Variants in AVEN observed in about 807,000 individuals in gnomAD.
AVEN encodes apoptosis and caspase activation inhibitor, also known as cell death regulator Aven.
A neutral mutation model predicts 38.1 loss-of-function variants in AVEN; 41 were observed. The observed-to-expected ratio is 1.08, with a 90% confidence interval of 0.84 to 1.40. The LOEUF is 1.40. Ranked by LOEUF, AVEN falls within the 40% of genes most tolerant of loss-of-function variation. The pLI is 0.00. For synonymous variants in AVEN, 206 were observed against 171.8 expected, an observed-to-expected ratio of 1.20 and a Z score of -1.56; for missense variants, 605 against 438.8, an observed-to-expected ratio of 1.38 and a Z score of -3.38.
At chr15:33,925,247 CA>C (rs1893566522) in intron 2 of AVEN, among the ~76,000 whole-genome samples, 1 of 152,084 alleles carries the variant, frequency 6.6e-6, no homozygotes, top group Non-Finnish European at 1.5e-5. Flanking sequence ...TCATTTTTTG[CA>C]AAGTCCCAGG....
intron 5 of AVEN, among the ~76,000 whole-genome samples, chr15:34,060,399 G>A (rs1350144940): frequency 6.6e-6 from 1 of 152,178 alleles, no homozygotes; most frequent in Non-Finnish European, 1.5e-5. Context: ...AATTTGAGGT[G>A]TTATGAAAAC....
intron 2 of AVEN, among the ~76,000 whole-genome samples, chr15:33,878,121 C>G (rs929834490): frequency 6.6e-6 from 1 of 152,038 alleles, no homozygotes; most frequent in Non-Finnish European, 1.5e-5. Flanking sequence ...TATCAAGATA[C>G]CAATTTCACC....
At chr15:33,961,613 A>C (rs188656905) in intron 2 of AVEN, among the ~76,000 whole-genome samples, 8,747 of 151,616 alleles carry the variant, frequency 0.058, 377 homozygotes, top group South Asian at 0.2. Flanking sequence ...GGAGATCGAG[A>C]CCATTCTGGC....
intron 1 of AVEN, 110 bp downstream of exon 1, chr15:34,038,670 G>GCCA: frequency 1.1e-5 from 11 of 1,028,686 alleles, no homozygotes; most frequent in Non-Finnish European, 1.2e-5. Flanking sequence ...CGGCGCCGCC[G>GCCA]CCCGTCTGGC....
intron 4 of AVEN, 131 bp from the exon 5 acceptor site, chr15:33,867,986 G>T: frequency 2.3e-6 from 3 of 1,293,604 alleles, no homozygotes; most frequent in Non-Finnish European, 3.1e-6. Flanking sequence ...AGTTCACAAA[G>T]TGGCTCCTTT....
At chr15:33,858,059 C>T (rs865860341), downstream of AVEN, 44 of 1,064,702 alleles carry the variant, frequency 4.1e-5, 1 homozygote, top group South Asian at 6.9e-4. Context: ...AAGTAGAAGA[C>T]AGATGTCTTC....
At chr15:33,869,256 A>G (rs1393010928) in intron 4 of AVEN, among the ~76,000 whole-genome samples, 1 of 152,156 alleles carries the variant, frequency 6.6e-6, no homozygotes, top group East Asian at 1.9e-4. Context: ...TAATGTGCAA[A>G]CAAGGTAGAG....
At chr15:33,890,522 T>A (rs1373382954) in intron 2 of AVEN, among the ~76,000 whole-genome samples, 3 of 152,140 alleles carry the variant, frequency 2.0e-5, no homozygotes, top group Non-Finnish European at 4.4e-5. Flanking sequence ...AGGGGGGAAA[T>A]CATGTTACTT....
chr15:33,975,127 C>T (rs1018842660), intron 2 of AVEN, among the ~76,000 whole-genome samples: 1 of 152,170 alleles, frequency 6.6e-6, no homozygotes, highest in African/African-American at 2.4e-5. Flanking sequence ...AAGCTTAGAG[C>T]CCGCAGGTCC....
intron 1 of AVEN, among the ~76,000 whole-genome samples, chr15:34,018,015 T>C (rs1898021612): frequency 6.6e-6 from 1 of 152,256 alleles, no homozygotes; most frequent in Non-Finnish European, 1.5e-5. Flanking sequence ...TACAATTATG[T>C]ACACTACATA....
At chr15:34,030,744 G>A (rs1898748719) in intron 1 of AVEN, among the ~76,000 whole-genome samples, 1 of 152,088 alleles carries the variant, frequency 6.6e-6, no homozygotes, top group African/African-American at 2.4e-5. Context: ...GGCCTCCTGA[G>A]TAGGTGGGAA....
rs546909945 is a variant in AVEN, at chr15:33,902,658, C to A, written c.446-26663G>T. Among the ~76,000 whole-genome samples, 484 of 152,190 alleles carry A rather than the reference C, an allele frequency of 3.2e-3. 3 individuals carry two copies. The highest frequency in any genetic ancestry group is 0.011 in the African/African-American group (470 of 41,528). ...ATGACATGATTTTATACGTAGAAAA[C>A]CCCAAAGATTCCACATAGTAACAAC... is the stretch of plus-strand genomic sequence containing the variant. On this transcript the variant is annotated intron_variant, in intron 2 of 5. Coordinates refer to ENST00000306730, the MANE Select transcript of AVEN (RefSeq NM_020371.3).
intron 2 of AVEN, among the ~76,000 whole-genome samples, chr15:33,891,562 A>G (rs1433206128): frequency 1.3e-5 from 2 of 152,102 alleles, no homozygotes; most frequent in African/African-American, 2.4e-5. Context: ...ACATGAACTC[A>G]TCCTTTTTAT....
chr15:33,942,426 G>A lies in AVEN; in HGVS notation c.445+60606C>T, dbSNP rs575850043. Reference sequence around the variant, plus strand: ...ATGAAGTTGTACTTGGTAACATGCCGCTTTGAGAGGAAGTTTTTTATCTTT... The same window carrying A: ...ATGAAGTTGTACTTGGTAACATGCCACTTTGAGAGGAAGTTTTTTATCTTT... On this transcript the variant is annotated intron_variant, in intron 2 of 5. Transcript: ENST00000306730. Among the ~76,000 whole-genome samples the A allele has an allele frequency of 2.2e-4, 33 of 151,950 alleles. No individual in the cohort carries two copies. In the East Asian group the frequency reaches 3.1e-3, roughly 14 times the overall value.
intron 2 of AVEN, among the ~76,000 whole-genome samples, chr15:33,915,419 C>T (rs1461065215): frequency 6.6e-6 from 1 of 152,166 alleles, no homozygotes; most frequent in Non-Finnish European, 1.5e-5. Flanking sequence ...CATGAAGGTC[C>T]AGATCACAAG....
At chr15:33,855,011 T>TTGGTATATAATGTACTTTTCTTGGCCA, downstream of AVEN, 1 of 1,229,308 alleles carries the variant, frequency 8.1e-7, no homozygotes, top group Non-Finnish European at 1.1e-6. Flanking sequence ...GGAATATGTC[T>TTGGTATATAATGTACTTTTCTTGGCCA]TGGTATATAA....
chr15:33,991,425 T>G (rs1896719095), intron 2 of AVEN: 1 of 152,120 alleles, frequency 6.6e-6, no homozygotes, highest in Non-Finnish European at 1.5e-5. Context: ...ATGTGATTAT[T>G]ATGCATGGCA....
chr15:33,929,709 C>T (rs954067360), intron 2 of AVEN, among the ~76,000 whole-genome samples: 1 of 152,208 alleles, frequency 6.6e-6, no homozygotes, highest in African/African-American at 2.4e-5. Context: ...ACTACCCTTT[C>T]CAAAGATAGA....
intron 2 of AVEN, among the ~76,000 whole-genome samples, chr15:33,877,181 G>T (rs1891270414): frequency 6.6e-6 from 1 of 152,090 alleles, no homozygotes. Flanking sequence ...AACCAACAGA[G>T]TTGTGGGTTG....
Sources: allele counts gnomAD v4.1 joint callset (sites outside exome capture counted in the v4.1 genomes callset), GRCh38; gene constraint gnomAD v4.1.1; transcripts MANE v1.5; gene names NCBI Gene and HGNC (gene_info 2026-07-23, HGNC 2026-07-21).